PGPEP1L: variants seen among roughly 807,000 people sequenced by gnomAD.
PGPEP1L encodes pyroglutamyl-peptidase I like.
In PGPEP1L, 7 loss-of-function variants were observed where a neutral mutation model predicts 6.0. The observed-to-expected ratio is 1.17, with a 90% CI of 0.66 to 2.19. The LOEUF is 2.19. PGPEP1L is among the 30% of genes most tolerant of loss of function. The pLI is 0.00. For missense variants in PGPEP1L, 209 were observed against 192.5 expected (o/e 1.09, Z -0.51); for synonymous variants, 103 against 83.9 (o/e 1.23, Z -1.24).
At chr15:98,980,792 C>T (rs987752395) in intron 2 of PGPEP1L, among the ~76,000 whole-genome samples, 1 of 151,984 alleles carries the variant, frequency 6.6e-6, no homozygotes, top group Non-Finnish European at 1.5e-5. Context: ...ATTAGCCAGG[C>T]GTGGTGGCAT....
intron 2 of PGPEP1L, among the ~76,000 whole-genome samples, chr15:98,987,461 T>TAA (rs1379774123): frequency 6.6e-6 from 1 of 151,446 alleles, no homozygotes; most frequent in African/African-American, 2.4e-5. Context: ...AGGACAGAAG[T>TAA]AAAGCCTGAG....
chr15:99,002,497 C>CACAA (rs2017987471), intron 2 of PGPEP1L, among the ~76,000 whole-genome samples: 1 of 152,036 alleles, frequency 6.6e-6, no homozygotes, highest in South Asian at 2.1e-4. Context: ...CACACACACA[C>CACAA]GCACACATAC....
At chr15:99,001,130 A>G (rs1555472953) in intron 2 of PGPEP1L, 1 of 446,690 alleles carries the variant, frequency 2.2e-6, no homozygotes, top group Non-Finnish European at 4.5e-6. Context: ...AACACATCCA[A>G]ACATCAGTCA....
At chr15:98,987,165 C>CAAAAAAAAAAAAAAAA (rs57923635) in intron 2 of PGPEP1L, among the ~76,000 whole-genome samples, 12 of 33,394 alleles carry the variant, frequency 3.6e-4, no homozygotes, top group African/African-American at 9.1e-4. Flanking sequence ...GACTCCATCT[C>CAAAAAAAAAAAAAAAA]AAAAAAAAAA....
Position 98,968,729 on chromosome 15 carries a change from C to T in PGPEP1L, c.210-32G>A, listed in dbSNP as rs376136882. 301 of 1,540,370 alleles carry T rather than the reference C, an allele frequency of 2.0e-4. 1 individual carries two copies. In the African/African-American group the frequency reaches 3.3e-3, roughly 17 times the overall value. On this transcript the variant is annotated intron_variant, in intron 4 of 4. Coordinates refer to ENST00000535714, the MANE Select transcript of PGPEP1L (RefSeq NM_001167902.2). ...CCACAGGAAATGCCACATTAATTCTCGGACCAGCCTCTAACCTCAGTGAAA... is the reference window on the plus strand; with the variant it reads ...CCACAGGAAATGCCACATTAATTCTTGGACCAGCCTCTAACCTCAGTGAAA...
intron 2 of PGPEP1L, among the ~76,000 whole-genome samples, chr15:98,999,992 C>T (rs1441049707): frequency 6.6e-6 from 1 of 152,266 alleles, no homozygotes; most frequent in Non-Finnish European, 1.5e-5. Flanking sequence ...GTGGGAGCCC[C>T]TTTCTGGGCA....
intron 2 of PGPEP1L, among the ~76,000 whole-genome samples, chr15:98,974,213 C>A (rs116152496): frequency 0.011 from 1,687 of 151,874 alleles, 44 homozygotes; most frequent in African/African-American, 0.039. Flanking sequence ...CCCGTCTGTA[C>A]TAAAAGAATA....
At chr15:98,985,840 G>T (rs1303418300) in intron 2 of PGPEP1L, among the ~76,000 whole-genome samples, 2 of 152,228 alleles carry the variant, frequency 1.3e-5, no homozygotes, top group East Asian at 3.8e-4. Context: ...GTCATTTTGA[G>T]AATTTATTCC....
chr15:98,978,727 T>TATATATATATATA (rs1555470851), intron 2 of PGPEP1L, among the ~76,000 whole-genome samples: 1 of 25,132 alleles, frequency 4.0e-5, no homozygotes, highest in African/African-American at 1.1e-4. Context: ...TATATATATA[T>TATATATATATATA]TTTTTTTTTT....
At chr15:99,000,988 G>A (rs1401294166) in intron 2 of PGPEP1L, among the ~76,000 whole-genome samples, 2 of 152,008 alleles carry the variant, frequency 1.3e-5, no homozygotes, top group African/African-American at 2.4e-5. Context: ...TGAAACCAGC[G>A]AGACCACGAA....
chr15:98,969,283 A>C, intron 4 of PGPEP1L, 142 bp downstream of exon 4: 2 of 1,017,680 alleles, frequency 2.0e-6, no homozygotes, highest in Non-Finnish European at 2.9e-6. Flanking sequence ...TGCACACAGC[A>C]AAGAGGGGCA....
chr15:98,970,607 T>A (rs2017479640), intron 3 of PGPEP1L, among the ~76,000 whole-genome samples: 1 of 152,194 alleles, frequency 6.6e-6, no homozygotes. Flanking sequence ...CCAGATAAAA[T>A]GGGCTCGTGC....
In PGPEP1L at chr15:98,969,627, T is replaced by C. The variant is rs947092158; in HGVS notation, c.7A>G (p.Thr3Ala). 7.4e-6 allele frequency: 12 copies of C among 1,612,544 alleles called. No individual in the cohort carries two copies. Among genetic ancestry groups the C allele is most frequent in the South Asian group, 2.2e-5 (2 of 91,072 alleles). MDTAAKAIILEQS... is the reference protein window; with the variant it reads MDAAAKAIILEQS... ...TCCAGAATGATCGCCTTGGCGGCGG[T>C]GTCCATGCCCACATGCACGACGAGC... Residue 3 changes from threonine (T) to alanine (A), a missense_variant, in exon 4 of 5, where the codon ACC becomes GCC. Thr to Ala is a moderately conservative substitution (Grantham distance 58). Coordinates refer to ENST00000535714, the MANE Select transcript of PGPEP1L (RefSeq NM_001167902.2).
At chr15:99,003,301 GAATCATATTTGTATCAGCA>G (rs2018001722) in intron 2 of PGPEP1L, among the ~76,000 whole-genome samples, 1 of 150,726 alleles carries the variant, frequency 6.6e-6, no homozygotes, top group Admixed American at 6.6e-5. Context: ...TTCTGCTTTA[GAATCATATTTGTATCAGCA>G]AATATGACAT....
chr15:99,000,387 G>A lies in PGPEP1L; in HGVS notation c.-142+5042C>T, dbSNP rs922280340. 1.5e-4 allele frequency among the ~76,000 whole-genome samples: 23 copies of A among 152,324 alleles called. 1 individual carries two copies. The highest frequency in any genetic ancestry group is 3.4e-3 in the Middle Eastern group (1 of 292). ...GACCACCCCAAGGGCTGAGGAGTGC[G>A]GGCACATGGCACAGGACTGGCAGGC... is the stretch of plus-strand genomic sequence containing the variant. On this transcript the variant is annotated intron_variant, in intron 2 of 4. Coordinates refer to ENST00000535714, the MANE Select transcript of PGPEP1L (RefSeq NM_001167902.2).
chr15:98,994,489 A>G (rs1299662701), intron 2 of PGPEP1L, among the ~76,000 whole-genome samples: 2 of 150,772 alleles, frequency 1.3e-5, no homozygotes, highest in Non-Finnish European at 3.0e-5. Context: ...CCTTGCCTCT[A>G]ATAAAAAATA....
intron 2 of PGPEP1L, among the ~76,000 whole-genome samples, chr15:98,996,584 TGTG>T (rs2017891677): frequency 6.9e-6 from 1 of 144,250 alleles, no homozygotes; most frequent in Non-Finnish European, 1.6e-5. Context: ...ATGTATTATG[TGTG>T]TTGTGTATGC....
chr15:99,003,121 A>C (rs2017997822), intron 2 of PGPEP1L, among the ~76,000 whole-genome samples: 2 of 152,028 alleles, frequency 1.3e-5, no homozygotes, highest in Non-Finnish European at 1.5e-5. Flanking sequence ...GATTCAACCA[A>C]ATCCTTCAGA....
chr15:98,987,196 G>A (rs113484828), intron 2 of PGPEP1L, among the ~76,000 whole-genome samples: 5,361 of 78,254 alleles, frequency 0.069, 204 homozygotes, highest in African/African-American at 0.17. Context: ...AAAAAAAAAA[G>A]AGAGCCAATT....
Sources: gnomAD v4.1 joint callset for allele counts (sites outside exome capture counted in the v4.1 genomes callset) on GRCh38, gnomAD v4.1.1 for gene constraint, MANE v1.5 for transcripts, NCBI Gene and HGNC (gene_info 2026-07-23, HGNC 2026-07-21) for gene names.